The following EFCAB6 variants were observed in gnomAD, a reference collection of about 807,000 sequenced individuals.
EFCAB6 encodes EF-hand calcium-binding domain-containing protein 6.
Under a neutral mutation model 169.8 loss-of-function variants are expected in EFCAB6, and 156 were observed. The ratio of observed to expected loss-of-function variants is 0.92; its 90% CI spans 0.81 to 1.05. The LOEUF (loss-of-function observed/expected upper bound fraction) is 1.05. Among genes scored for constraint, EFCAB6 ranks in the 50% least tolerant of loss-of-function variants. EFCAB6 has a pLI of 0.00. For missense variants in EFCAB6, 1,800 were observed against 1,829.1 expected (o/e 0.98, Z 0.29); for synonymous variants, 698 against 676.4 (o/e 1.03, Z -0.50).
At chr22:43,558,891 G>A (rs1046251774) in intron 26 of EFCAB6, among the ~76,000 whole-genome samples, 4 of 152,126 alleles carry the variant, frequency 2.6e-5, no homozygotes, top group Non-Finnish European at 2.9e-5. Context: ...GCTTTGCTAC[G>A]GTCTGGAACC....
chr22:43,593,024 A>C (rs1473325167), intron 23 of EFCAB6, among the ~76,000 whole-genome samples: 3 of 152,144 alleles, frequency 2.0e-5, no homozygotes, highest in African/African-American at 7.2e-5. Flanking sequence ...AACATGACTC[A>C]AATCTGTCAA....
At chr22:43,805,388 A>C (rs1299244942) in intron 2 of EFCAB6, among the ~76,000 whole-genome samples, 1 of 152,284 alleles carries the variant, frequency 6.6e-6, no homozygotes, top group East Asian at 1.9e-4. Context: ...ATTTGTAGCA[A>C]CATGGATAGA....
At position 43,576,026 on chromosome 22, in the gene EFCAB6, C is replaced by T. The variant is rs117715826; in HGVS notation, c.3420+271G>A. On this transcript the variant is annotated intron_variant, in intron 26 of 31. Transcript: ENST00000262726. ...GATCATCTTCTGGGATCTAAGACTC[C>T]TTAGAATGCTAAATCAACCAGAGAA... 1.4e-4 allele frequency among the ~76,000 whole-genome samples: 22 copies of T among 152,266 alleles called. 1 individual carries two copies. The East Asian group carries it at 4.2e-3, about 29-fold the overall frequency.
chr22:43,741,160 T>G (rs760585205), intron 6 of EFCAB6, among the ~76,000 whole-genome samples: 19 of 152,098 alleles, frequency 1.2e-4, no homozygotes, highest in Non-Finnish European at 2.5e-4. Flanking sequence ...ATGGCTAAGC[T>G]AAGGCTCCCG....
intron 3 of EFCAB6, among the ~76,000 whole-genome samples, chr22:43,779,151 A>G (rs1045758378): frequency 2.0e-5 from 3 of 152,248 alleles, no homozygotes; most frequent in Admixed American, 6.5e-5. Context: ...ATACAATATC[A>G]GAAGTTAAGA....
At position 43,668,986 on chromosome 22, in the gene EFCAB6, G is replaced by A. The variant is rs746482120; in HGVS notation, c.1700C>T (p.Ala567Val). 1 of 1,612,492 alleles carries A rather than the reference G, an allele frequency of 6.2e-7. No homozygotes were observed. Among genetic ancestry groups the A allele is most frequent in the East Asian group, 2.2e-5 (1 of 44,810 alleles). Residue 567 changes from alanine to valine, a missense_variant, in exon 16 of 32, where the codon GCA becomes GTA. Coordinates refer to ENST00000262726, the MANE Select transcript of EFCAB6 (RefSeq NM_022785.4). ...SGRILYKKLL[A>V]CIGIDGPPTV... ...GGGTGGGCCATCAATTCCTATGCAT[G>A]CCAAAAGTTTCTTGTAAAGGATTCT... is the stretch of plus-strand genomic sequence containing the variant.
At chr22:43,700,388 A>C (rs1035160612) in intron 10 of EFCAB6, among the ~76,000 whole-genome samples, 13 of 152,278 alleles carry the variant, frequency 8.5e-5, no homozygotes, top group African/African-American at 3.1e-4. Flanking sequence ...TAGGCATAAG[A>C]TTTTAGATTT....
intron 26 of EFCAB6, among the ~76,000 whole-genome samples, chr22:43,561,769 T>C (rs559904264): frequency 1.6e-4 from 25 of 152,356 alleles, no homozygotes; most frequent in Non-Finnish European, 5.9e-5. Context: ...GTGATCATTA[T>C]ATCTGAATGG....
chr22:43,592,204 C>T (rs2051604341), intron 23 of EFCAB6, among the ~76,000 whole-genome samples: 1 of 152,146 alleles, frequency 6.6e-6, no homozygotes, highest in Admixed American at 6.5e-5. Flanking sequence ...ACTTTGAAGC[C>T]ACCAAGGTGA....
chr22:43,633,126 G>T (rs1014175743), intron 18 of EFCAB6, among the ~76,000 whole-genome samples: 1 of 152,146 alleles, frequency 6.6e-6, no homozygotes, highest in African/African-American at 2.4e-5. Flanking sequence ...TCCCCGGCTC[G>T]CCTGGGAGGT....
At chr22:43,606,209 T>C (rs998594684) in intron 22 of EFCAB6, among the ~76,000 whole-genome samples, 2 of 152,336 alleles carry the variant, frequency 1.3e-5, no homozygotes, top group South Asian at 4.1e-4. Flanking sequence ...GTGAAATAAC[T>C]CAGCTTAAAA....
At chr22:43,665,195 A>T (rs532639135) in intron 17 of EFCAB6, among the ~76,000 whole-genome samples, 1 of 152,190 alleles carries the variant, frequency 6.6e-6, no homozygotes, top group Admixed American at 6.5e-5. Context: ...AGGTAGGTGC[A>T]TGAGACTGAC....
chr22:43,585,669 A>C (rs1180664369), intron 24 of EFCAB6, among the ~76,000 whole-genome samples: 1 of 152,214 alleles, frequency 6.6e-6, no homozygotes, highest in East Asian at 1.9e-4. Context: ...GAGAACACCA[A>C]GCAGGATAAA....
At chr22:43,531,041 C>T in intron 30 of EFCAB6, 77 bp from the exon 31 acceptor site, 2 of 1,582,902 alleles carry the variant, frequency 1.3e-6, no homozygotes, top group Non-Finnish European at 8.6e-7. Context: ...TCGCCTCGCC[C>T]CCGCCTCGCC....
intron 26 of EFCAB6, among the ~76,000 whole-genome samples, chr22:43,568,122 G>A (rs2049572842): frequency 6.6e-6 from 1 of 152,300 alleles, no homozygotes; most frequent in East Asian, 1.9e-4. Context: ...CTCTGCAAAT[G>A]AGGCTCATTG....
intron 4 of EFCAB6, among the ~76,000 whole-genome samples, chr22:43,771,405 G>A (rs1004355202): frequency 6.6e-6 from 1 of 151,952 alleles, no homozygotes; most frequent in African/African-American, 2.4e-5. Flanking sequence ...ACTCTAGCCT[G>A]GATGACAGAG....
rs150752335 is a variant in EFCAB6 at position 43,772,928 on chromosome 22, C to T, written c.315G>A (p.Pro105=). Residue 105 remains proline, a synonymous_variant, in exon 4 of 32, where the codon CCG becomes CCA. Coordinates refer to ENST00000262726, the MANE Select transcript of EFCAB6 (RefSeq NM_022785.4). ...LRRIITDFLM[P]LTREQFQDVL... Reference sequence around the variant, plus strand: ...CGTCCTGAAACTGTTCTCGTGTGAGCGGCATCAGGAAGTCTGTGATGATTC... The same window carrying T: ...CGTCCTGAAACTGTTCTCGTGTGAGTGGCATCAGGAAGTCTGTGATGATTC... The T allele has an allele frequency of 3.6e-4, 582 of 1,614,146 alleles. No individual in the cohort carries two copies. The highest frequency in any genetic ancestry group is 1.2e-3 in the Middle Eastern group (7 of 6,062).
In EFCAB6 at chr22:43,534,670, T is replaced by C; in HGVS notation, c.4233+18A>G. ...CCTTTCCACCTGGCCCCACATTTCCTGCAGGTGGGCAACATACCATCTTGT... is the reference window on the plus strand; with the variant it reads ...CCTTTCCACCTGGCCCCACATTTCCCGCAGGTGGGCAACATACCATCTTGT... On this transcript the variant is annotated intron_variant, in intron 30 of 31. Coordinates refer to ENST00000262726, the MANE Select transcript of EFCAB6 (RefSeq NM_022785.4). The C allele has an allele frequency of 6.3e-7, 1 of 1,575,262 alleles. No homozygotes were observed. Among genetic ancestry groups the C allele is most frequent in the Non-Finnish European group, 8.6e-7 (1 of 1,164,180 alleles).
At chr22:43,737,874 C>T (rs2147699933) in intron 6 of EFCAB6, among the ~76,000 whole-genome samples, 1 of 151,480 alleles carries the variant, frequency 6.6e-6, no homozygotes, top group Admixed American at 6.6e-5. Context: ...TGCACATATA[C>T]TCGCATACAC....
Sources: gnomAD v4.1 joint callset for allele counts (sites outside exome capture counted in the v4.1 genomes callset) on GRCh38, gnomAD v4.1.1 for gene constraint, MANE v1.5 for transcripts, NCBI Gene and HGNC (gene_info 2026-07-23, HGNC 2026-07-21) for gene names.